CDH18: variants seen among roughly 807,000 people sequenced by gnomAD.
The protein encoded by CDH18 is cadherin-18.
A neutral mutation model predicts 67.9 loss-of-function variants in CDH18; 31 were observed. The observed-to-expected ratio is 0.46, with a 90% CI of 0.34 to 0.62. CDH18 has a LOEUF of 0.62. Ranked by LOEUF, CDH18 falls within the 20% of genes least tolerant of loss-of-function variation. CDH18 has a pLI of 0.01. For missense variants in CDH18, 890 were observed against 975.5 expected, an observed-to-expected ratio of 0.91 and a Z score of 1.17; for synonymous variants, 362 against 347.2, an observed-to-expected ratio of 1.04 and a Z score of -0.48.
chr5:19,504,701 T>C (rs1168113813), intron 10 of CDH18, among the ~76,000 whole-genome samples: 1 of 152,116 alleles, frequency 6.6e-6, no homozygotes, highest in Non-Finnish European at 1.5e-5. Context: ...GTTACCTCTT[T>C]TTTCCCCTTC....
At chr5:19,860,824 G>C (rs7726859) in intron 2 of CDH18, among the ~76,000 whole-genome samples, 73,983 of 151,738 alleles carry the variant, frequency 0.49, 18,183 homozygotes, top group Middle Eastern at 0.63. Flanking sequence ...ATATTCTTCT[G>C]AACATCTTTT....
At chr5:19,506,971 T>C (rs926101423) in intron 10 of CDH18, among the ~76,000 whole-genome samples, 4 of 152,174 alleles carry the variant, frequency 2.6e-5, no homozygotes, top group African/African-American at 9.7e-5. Context: ...ACAGGCAACC[T>C]ACAGAATGGG....
intron 4 of CDH18, among the ~76,000 whole-genome samples, chr5:19,741,216 T>G (rs1433202160): frequency 7.7e-6 from 1 of 129,206 alleles, no homozygotes; most frequent in African/African-American, 2.5e-5. Context: ...GTCATATATG[T>G]ATATATACAT....
At chr5:19,709,967 T>A (rs1764508400) in intron 5 of CDH18, among the ~76,000 whole-genome samples, 1 of 151,992 alleles carries the variant, frequency 6.6e-6, no homozygotes, top group South Asian at 2.1e-4. Flanking sequence ...AAACCCTGTC[T>A]CTACTAAAAA....
chr5:19,487,005 C>A (rs1485079685), intron 11 of CDH18, among the ~76,000 whole-genome samples: 2 of 151,994 alleles, frequency 1.3e-5, no homozygotes, highest in Non-Finnish European at 1.5e-5. Flanking sequence ...ATGAAGACAG[C>A]AGATTATAGA....
intron 11 of CDH18, 50 bp downstream of exon 11, chr5:19,502,942 G>A: frequency 1.9e-6 from 2 of 1,044,320 alleles, no homozygotes; most frequent in South Asian, 2.5e-5. Context: ...TTACATATAA[G>A]GTCAAAGCAG....
chr5:20,309,590 T>C (rs144075285), intron 1 of CDH18, among the ~76,000 whole-genome samples: 1 of 152,344 alleles, frequency 6.6e-6, no homozygotes, highest in African/African-American at 2.4e-5. Context: ...TACTGCTGCC[T>C]AACTTGTTCA....
intron 2 of CDH18, among the ~76,000 whole-genome samples, chr5:20,164,960 C>T (rs536758171): frequency 1.5e-4 from 23 of 152,022 alleles, no homozygotes; most frequent in Middle Eastern, 3.4e-3. Context: ...CCCCAGTGAG[C>T]GGATAAAAGA....
At chr5:19,534,516 T>A (rs1749123039) in intron 9 of CDH18, among the ~76,000 whole-genome samples, 1 of 152,252 alleles carries the variant, frequency 6.6e-6, no homozygotes, top group South Asian at 2.1e-4. Context: ...TCAGGGAGAA[T>A]TGGAGACAGA....
intron 1 of CDH18, among the ~76,000 whole-genome samples, chr5:20,384,208 G>C (rs948869838): frequency 2.6e-5 from 4 of 152,030 alleles, no homozygotes; most frequent in African/African-American, 9.7e-5. Flanking sequence ...AACTTATTCA[G>C]CTTGTATAGC....
chr5:19,790,865 T>C (rs1776282651), intron 3 of CDH18, among the ~76,000 whole-genome samples: 1 of 152,004 alleles, frequency 6.6e-6, no homozygotes, highest in African/African-American at 2.4e-5. Flanking sequence ...AGACTTGAGA[T>C]ACATTTCAGA....
chr5:19,688,682 C>G (rs963252702), intron 5 of CDH18, among the ~76,000 whole-genome samples: 1 of 151,814 alleles, frequency 6.6e-6, no homozygotes, highest in Non-Finnish European at 1.5e-5. Context: ...TTTTCAGCAA[C>G]AGATTTCAAT....
chr5:19,817,189 C>T (rs1779380397), intron 3 of CDH18, among the ~76,000 whole-genome samples: 1 of 151,826 alleles, frequency 6.6e-6, no homozygotes, highest in East Asian at 1.9e-4. Flanking sequence ...TTTCACCCAT[C>T]ATGTTTGCAT....
intron 2 of CDH18, among the ~76,000 whole-genome samples, chr5:20,102,143 A>G (rs980686015): frequency 1.4e-4 from 21 of 152,088 alleles, no homozygotes; most frequent in African/African-American, 5.1e-4. Context: ...ATTATACATC[A>G]ATTTCTTAAA....
intron 2 of CDH18, among the ~76,000 whole-genome samples, chr5:20,239,816 TTTAA>T (rs1277005373): frequency 1.3e-5 from 2 of 152,112 alleles, no homozygotes; most frequent in Non-Finnish European, 2.9e-5. Context: ...TTGCTTTTTG[TTTAA>T]TTAAGAGTCT....
chr5:19,756,833 G>T (rs1229971114), intron 3 of CDH18, among the ~76,000 whole-genome samples: 1 of 152,202 alleles, frequency 6.6e-6, no homozygotes, highest in African/African-American at 2.4e-5. Context: ...TGGATCACTA[G>T]GGGAGATGGT....
At chr5:19,851,432 A>G (rs546852703) in intron 2 of CDH18, among the ~76,000 whole-genome samples, 1 of 126,238 alleles carries the variant, frequency 7.9e-6, no homozygotes, top group Admixed American at 8.0e-5. Context: ...CCAAAAAAAA[A>G]ACAAACCCAA....
At chr5:19,576,944 CAT>C (rs1362936237) in intron 7 of CDH18, among the ~76,000 whole-genome samples, 6 of 152,140 alleles carry the variant, frequency 3.9e-5, no homozygotes, top group Admixed American at 3.9e-4. Flanking sequence ...TTTGTAACAA[CAT>C]GTGTGAACGT....
chr5:20,418,406 C>G (rs1389272054), intron 1 of CDH18, among the ~76,000 whole-genome samples: 1 of 151,684 alleles, frequency 6.6e-6, no homozygotes, highest in East Asian at 1.9e-4. Flanking sequence ...TTAACTTCGT[C>G]CCTGGTTTAC....
Sources: allele counts gnomAD v4.1 joint callset (sites outside exome capture counted in the v4.1 genomes callset), GRCh38; gene constraint gnomAD v4.1.1; transcripts MANE v1.5; gene names NCBI Gene and HGNC (gene_info 2026-07-23, HGNC 2026-07-21).